The following EPHA5 variants were observed in gnomAD, a reference collection of about 807,000 sequenced individuals.
EPHA5 encodes the protein ephrin type-A receptor 5.
In EPHA5, 60 loss-of-function variants were observed where a neutral mutation model predicts 105.0. That is an observed-to-expected ratio of 0.57 (90% confidence interval 0.46 to 0.71). EPHA5 has a LOEUF of 0.71. Among genes scored for constraint, EPHA5 ranks in the 30% least tolerant of loss-of-function variants. The probability of loss-of-function intolerance (pLI) is 0.00; values close to 1 mark genes in which losing one functional copy is unlikely to be tolerated. For synonymous variants in EPHA5, 513 were observed against 449.1 expected (o/e 1.14, Z -1.80); for missense variants, 1,218 against 1,274.7 (o/e 0.96, Z 0.68).
intron 8 of EPHA5, among the ~76,000 whole-genome samples, chr4:65,376,826 A>G (rs1276655871): frequency 6.6e-6 from 1 of 152,072 alleles, no homozygotes; most frequent in Non-Finnish European, 1.5e-5. Context: ...GATGTGCCAT[A>G]TGTATAATAT....
rs138755728 is a variant in EPHA5 at position 65,420,395 on chromosome 4, GA to G, written c.1527+45del. ...GTTGGATAATTGTAGTTGCTAAAATGAAAAAAAAAAGAAAGTGAGGACATTT... is the reference window on the plus strand; with the variant it reads ...GTTGGATAATTGTAGTTGCTAAAATGAAAAAAAAAGAAAGTGAGGACATTT... On this transcript the variant is annotated intron_variant, in intron 6 of 16. Coordinates refer to ENST00000613740, the MANE Select transcript of EPHA5 (RefSeq NM_001281766.3). 2.9e-3 allele frequency: 3,585 copies of G among 1,256,416 alleles called. 7 individuals carry two copies. Among genetic ancestry groups the G allele is most frequent in the East Asian group, 0.021 (724 of 35,300 alleles). 77.8% of individuals were successfully genotyped at this position (1,256,416 alleles called of 1,614,324 possible).
At chr4:65,571,934 C>A (rs905305981) in intron 3 of EPHA5, among the ~76,000 whole-genome samples, 1 of 151,948 alleles carries the variant, frequency 6.6e-6, no homozygotes, top group Non-Finnish European at 1.5e-5. Flanking sequence ...TTATATATTT[C>A]ATGTTAGAAA....
intron 1 of EPHA5, among the ~76,000 whole-genome samples, chr4:65,668,524 A>C (rs1383741024): frequency 6.6e-6 from 1 of 152,056 alleles, no homozygotes; most frequent in Non-Finnish European, 1.5e-5. Flanking sequence ...TTGGGCTGAG[A>C]CCCGAGCTCA....
At chr4:65,554,708 A>T (rs1738238309) in intron 3 of EPHA5, among the ~76,000 whole-genome samples, 1 of 151,864 alleles carries the variant, frequency 6.6e-6, no homozygotes, top group African/African-American at 2.4e-5. Context: ...TTTTCATGTT[A>T]AATGTTTTTA....
At chr4:65,388,572 T>A (rs1399604195) in intron 8 of EPHA5, among the ~76,000 whole-genome samples, 24 of 151,940 alleles carry the variant, frequency 1.6e-4, no homozygotes, top group Admixed American at 3.3e-4. Flanking sequence ...TGGCCAGTGA[T>A]GATGAGTATT....
chr4:65,427,068 T>TA (rs1724505235), intron 5 of EPHA5, among the ~76,000 whole-genome samples: 1 of 149,506 alleles, frequency 6.7e-6, no homozygotes, highest in African/African-American at 2.5e-5. Flanking sequence ...TAAGAGTTAC[T>TA]GGAAAAAAAG....
At chr4:65,545,197 G>C (rs545324981) in intron 3 of EPHA5, among the ~76,000 whole-genome samples, 4 of 151,814 alleles carry the variant, frequency 2.6e-5, no homozygotes, top group Non-Finnish European at 5.9e-5. Context: ...CGGAGAATCA[G>C]CATCTATGAT....
intron 2 of EPHA5, among the ~76,000 whole-genome samples, chr4:65,635,714 A>T (rs1390956026): frequency 6.6e-6 from 1 of 152,194 alleles, no homozygotes; most frequent in Non-Finnish European, 1.5e-5. Flanking sequence ...CACTTGATAA[A>T]AATTTCCAGG....
intron 3 of EPHA5, among the ~76,000 whole-genome samples, chr4:65,533,670 C>G (rs1193366054): frequency 6.6e-6 from 1 of 152,146 alleles, no homozygotes. Flanking sequence ...CACAGTGGCT[C>G]ACGCCTGTAA....
intron 8 of EPHA5, among the ~76,000 whole-genome samples, chr4:65,390,010 CT>C (rs1322854311): frequency 3.3e-5 from 5 of 151,980 alleles, no homozygotes; most frequent in African/African-American, 9.7e-5. Context: ...TATTTCTTGG[CT>C]TTCATTGCAT....
chr4:65,485,510 T>C (rs1730794762), intron 5 of EPHA5, among the ~76,000 whole-genome samples: 1 of 152,198 alleles, frequency 6.6e-6, no homozygotes, highest in Non-Finnish European at 1.5e-5. Context: ...TGCAAAAAAG[T>C]ATTGTTTTAG....
At chr4:65,434,777 A>G (rs189297573) in intron 5 of EPHA5, among the ~76,000 whole-genome samples, 4 of 152,228 alleles carry the variant, frequency 2.6e-5, no homozygotes, top group Admixed American at 2.0e-4. Context: ...GCTTCACATA[A>G]TGTTGTAGGC....
chr4:65,444,614 G>T (rs947031246), intron 5 of EPHA5, among the ~76,000 whole-genome samples: 2 of 152,018 alleles, frequency 1.3e-5, no homozygotes, highest in African/African-American at 4.8e-5. Flanking sequence ...TACTTTTATT[G>T]CCCTGAGTTT....
intron 2 of EPHA5, among the ~76,000 whole-genome samples, chr4:65,636,934 G>A (rs1241790991): frequency 6.6e-6 from 1 of 152,056 alleles, no homozygotes; most frequent in Non-Finnish European, 1.5e-5. Context: ...TACACTAGGA[G>A]CCTGATAAAT....
intron 5 of EPHA5, among the ~76,000 whole-genome samples, chr4:65,428,657 A>G (rs1724683725): frequency 6.6e-6 from 1 of 152,106 alleles, no homozygotes; most frequent in Non-Finnish European, 1.5e-5. Flanking sequence ...ATAAACTAAA[A>G]TGCACCATTC....
chr4:65,511,574 T>C (rs1365258255), intron 3 of EPHA5, among the ~76,000 whole-genome samples: 3 of 152,156 alleles, frequency 2.0e-5, no homozygotes, highest in African/African-American at 4.8e-5. Context: ...ATATTTGAAT[T>C]TGACACTCTG....
intron 3 of EPHA5, among the ~76,000 whole-genome samples, chr4:65,557,648 C>G (rs4860186): frequency 0.75 from 113,932 of 151,738 alleles, 43,043 homozygotes; most frequent in African/African-American, 0.79. Flanking sequence ...TAAAAAGTAA[C>G]ATCTTATGAA....
rs148530530 is a variant in EPHA5, at chr4:65,531,604, C to T, written c.911-36061G>A. Among the ~76,000 whole-genome samples the T allele has an allele frequency of 9.3e-5, 14 of 150,884 alleles. No individual in the cohort carries two copies. In the East Asian group the frequency reaches 2.6e-3, roughly 28 times the overall value. On this transcript the variant is annotated intron_variant, in intron 3 of 16. Transcript: ENST00000613740. ...TGCAGAATGACAATGATCCAGGAAT[C>T]TGATGATAAAGAGGATATACTGAGA...
At chr4:65,622,295 A>G (rs957029476) in intron 2 of EPHA5, among the ~76,000 whole-genome samples, 2 of 152,132 alleles carry the variant, frequency 1.3e-5, no homozygotes, top group Non-Finnish European at 2.9e-5. Context: ...TGAGTTAGAA[A>G]TAACGGTAAA....
Sources: gnomAD v4.1 joint callset for allele counts (sites outside exome capture counted in the v4.1 genomes callset) on GRCh38, gnomAD v4.1.1 for gene constraint, MANE v1.5 for transcripts, NCBI Gene and HGNC (gene_info 2026-07-23, HGNC 2026-07-21) for gene names.